The following LRRC8B variants were observed in gnomAD, a reference collection of about 807,000 sequenced individuals.
The protein encoded by LRRC8B is leucine rich repeat containing 8 VRAC subunit B.
In LRRC8B, 23 loss-of-function variants were observed where a neutral mutation model predicts 58.8. That is an observed-to-expected ratio of 0.39 (90% CI 0.28 to 0.55). The LOEUF (loss-of-function observed/expected upper bound fraction) is 0.55, where lower values mean the gene tolerates loss of function less well. Among genes scored for constraint, LRRC8B ranks in the 20% least tolerant of loss-of-function variants. The pLI is 0.62. For missense variants in LRRC8B, 694 were observed against 936.0 expected, an observed-to-expected ratio of 0.74 and a Z score of 3.37; for synonymous variants, 359 against 374.1, an observed-to-expected ratio of 0.96 and a Z score of 0.47.
chr1:89,545,225 AGC>A, intron 1 of LRRC8B, among the ~76,000 whole-genome samples: 1 of 152,196 alleles, frequency 6.6e-6, no homozygotes, highest in African/African-American at 2.4e-5. Context: ...TCAAACCAAT[AGC>A]TCTTCTTGTT....
intron 3 of LRRC8B, among the ~76,000 whole-genome samples, chr1:89,578,876 A>G (rs941349393): frequency 6.6e-6 from 1 of 152,232 alleles, no homozygotes; most frequent in African/African-American, 2.4e-5. Context: ...AAATTATTGA[A>G]CTATAAATGT....
intron 1 of LRRC8B, among the ~76,000 whole-genome samples, chr1:89,562,397 AT>A (rs1652738998): frequency 6.6e-6 from 1 of 152,098 alleles, no homozygotes; most frequent in African/African-American, 2.4e-5. Flanking sequence ...AGGAAAAAAA[AT>A]CTCCCATATT....
At chr1:89,532,240 GT>G (rs1450058382) in intron 1 of LRRC8B, among the ~76,000 whole-genome samples, 1 of 152,148 alleles carries the variant, frequency 6.6e-6, no homozygotes. Context: ...TTGTTTGCTT[GT>G]TTATGCTCTA....
chr1:89,575,871 ATTCTTT>A (rs1653808515), intron 3 of LRRC8B, among the ~76,000 whole-genome samples: 2 of 152,102 alleles, frequency 1.3e-5, no homozygotes, highest in Non-Finnish European at 2.9e-5. Flanking sequence ...TGACTATTTT[ATTCTTT>A]GCTTTCTTTT....
intron 4 of LRRC8B, 86 bp downstream of exon 4, chr1:89,579,774 TATC>T (rs1447577219): frequency 6.6e-6 from 1 of 152,658 alleles, no homozygotes; most frequent in Non-Finnish European, 1.5e-5. Context: ...CAAATACCCT[TATC>T]ATTGTTAGAG....
At chr1:89,541,548 A>G (rs370469157) in intron 1 of LRRC8B, among the ~76,000 whole-genome samples, 2 of 150,906 alleles carry the variant, frequency 1.3e-5, no homozygotes, top group Non-Finnish European at 3.0e-5. Context: ...CGTCTCTACT[A>G]AAAATACAAA....
chr1:89,530,070 C>T (rs1649996941), intron 1 of LRRC8B, among the ~76,000 whole-genome samples: 1 of 151,890 alleles, frequency 6.6e-6, no homozygotes, highest in South Asian at 2.1e-4. Context: ...AGACATGGGT[C>T]GGGCATGGTG....
chr1:89,561,096 G>A (rs374910674), intron 1 of LRRC8B, among the ~76,000 whole-genome samples: 5 of 151,210 alleles, frequency 3.3e-5, no homozygotes, highest in African/African-American at 7.3e-5. Flanking sequence ...GTGTGAGATG[G>A]TATCTCATAG....
chr1:89,560,349 CATA>C (rs2100957069), intron 1 of LRRC8B, among the ~76,000 whole-genome samples: 1 of 152,088 alleles, frequency 6.6e-6, no homozygotes, highest in Admixed American at 6.5e-5. Context: ...ATTATTAACT[CATA>C]TATAAGGCTT....
rs1330769293 is a variant in LRRC8B at position 89,583,486 on chromosome 1, T to A, written c.836T>A (p.Phe279Tyr). ...CTCATCATAACTTATGTTCCATATT[T>A]TTTAACCCACATCACTCTTGAAATC... ...FVLIITYVPYFLTHITLEIDC... is the reference protein window; with the variant it reads ...FVLIITYVPYYLTHITLEIDC... Residue 279 changes from phenylalanine to tyrosine, a missense_variant, in exon 5 of 6, where the codon TTT (phenylalanine) becomes TAT (tyrosine). Transcript: ENST00000330947. The surrounding 1 kb of genome is among the most constrained non-coding windows in gnomAD (Gnocchi z 5.2). 1.2e-6 allele frequency: 2 copies of A among 1,613,928 alleles called. No homozygotes were observed. The highest frequency in any genetic ancestry group is 1.7e-6 in the Non-Finnish European group (2 of 1,180,016).
At chr1:89,548,903 C>T (rs1000086693) in intron 1 of LRRC8B, among the ~76,000 whole-genome samples, 1 of 151,996 alleles carries the variant, frequency 6.6e-6, no homozygotes, top group Non-Finnish European at 1.5e-5. Flanking sequence ...TTGTTTGAGG[C>T]GTATAAATAC....
intron 1 of LRRC8B, among the ~76,000 whole-genome samples, chr1:89,541,827 A>G (rs1651019072): frequency 6.7e-6 from 1 of 149,238 alleles, no homozygotes. Flanking sequence ...AGTCTCCTCC[A>G]TCTTTTTGCT....
chr1:89,545,345 C>T (rs1047701538), intron 1 of LRRC8B, among the ~76,000 whole-genome samples: 13 of 152,176 alleles, frequency 8.5e-5, no homozygotes, highest in East Asian at 7.7e-4. Flanking sequence ...CATTTGATTC[C>T]GACAATTTAG....
At chr1:89,591,888 G>A (rs1350353325) in intron 5 of LRRC8B, among the ~76,000 whole-genome samples, 1 of 152,144 alleles carries the variant, frequency 6.6e-6, no homozygotes, top group Admixed American at 6.5e-5. Context: ...GTATTATGGG[G>A]GGTAGGGAGC....
rs949075690 is a variant in LRRC8B at position 89,577,882 on chromosome 1, C to T, written c.-124-1709C>T. On this transcript the variant is annotated intron_variant, in intron 3 of 5. Transcript: ENST00000330947. ...AGATATTGGATGAGTTGGGAAAGAGCGCTAATTAGCTTTTTCTTCAGCTTT... is the reference window on the plus strand; with the variant it reads ...AGATATTGGATGAGTTGGGAAAGAGTGCTAATTAGCTTTTTCTTCAGCTTT... Among the ~76,000 whole-genome samples the T allele has an allele frequency of 2.0e-4, 30 of 151,358 alleles. 1 individual carries two copies. The highest frequency in any genetic ancestry group is 6.7e-4 in the African/African-American group (28 of 41,492).
Position 89,593,050 on chromosome 1 carries a change from GAA to G in LRRC8B, c.*10_*11del, listed in dbSNP as rs1377917872. ...GTGCTTAGACAAATGTTGACTTAAA[GAA>G]AAGAGACCCGTGTTTCAAAATCATT... On this transcript the variant is annotated 3_prime_UTR_variant, in exon 6 of 6. Coordinates refer to ENST00000330947, the MANE Select transcript of LRRC8B (RefSeq NM_001369817.2). The G allele has an allele frequency of 1.2e-6, 2 of 1,607,242 alleles. No individual in the cohort carries two copies.
At position 89,583,664 on chromosome 1, in the gene LRRC8B, G is replaced by A. The variant is rs1266592592; in HGVS notation, c.1014G>A (p.Leu338=). The change falls in exon 5 of 6, where the codon CTG becomes CTA. Residue 338 remains leucine, a synonymous_variant. Coordinates refer to ENST00000330947, the MANE Select transcript of LRRC8B (RefSeq NM_001369817.2). The surrounding 1 kb of genome is among the most constrained non-coding windows in gnomAD (Gnocchi z 5.2). ...LTSSYSLWWM[L]RSSLKQYSFE... ...CTTCCTACAGCCTGTGGTGGATGCT[G>A]AGGAGTTCCCTGAAGCAATATTCCT... The A allele has an allele frequency of 3.1e-6, 5 of 1,613,694 alleles. No individual in the cohort carries two copies. The African/African-American group carries it at 6.7e-5, about 22-fold the overall frequency.
intron 1 of LRRC8B, among the ~76,000 whole-genome samples, chr1:89,532,843 C>A (rs755460008): frequency 1.3e-5 from 2 of 152,204 alleles, no homozygotes; most frequent in African/African-American, 4.8e-5. Flanking sequence ...AGATACTTTC[C>A]TCAGAATTTG....
At chr1:89,536,099 A>G (rs1650502972) in intron 1 of LRRC8B, among the ~76,000 whole-genome samples, 1 of 152,220 alleles carries the variant, frequency 6.6e-6, no homozygotes, top group Non-Finnish European at 1.5e-5. Flanking sequence ...AAATCTCTGC[A>G]GAAACCCCCA....
Sources: gnomAD v4.1 joint callset for allele counts (sites outside exome capture counted in the v4.1 genomes callset) on GRCh38, gnomAD v4.1.1 for gene constraint, Gnocchi (gnomAD v3.1) non-coding constraint, MANE v1.5 for transcripts, NCBI Gene and HGNC (gene_info 2026-07-23, HGNC 2026-07-21) for gene names.